The following ADCY9 variants were observed in gnomAD, a reference collection of about 807,000 sequenced individuals.
ADCY9 encodes adenylate cyclase 9, also known as adenylate cyclase type 9.
A neutral mutation model predicts 101.5 loss-of-function variants in ADCY9; 50 were observed. That is an observed-to-expected ratio of 0.49 (90% CI 0.39 to 0.62). The LOEUF (loss-of-function observed/expected upper bound fraction) is 0.62, where lower values mean the gene tolerates loss of function less well. Ranked by LOEUF, ADCY9 falls within the 20% of genes least tolerant of loss-of-function variation. The pLI, the probability that ADCY9 is intolerant of heterozygous loss-of-function variation, is 0.00. For missense variants in ADCY9, 1,662 were observed against 1,800.4 expected, an observed-to-expected ratio of 0.92 and a Z score of 1.39; for synonymous variants, 905 against 769.3, an observed-to-expected ratio of 1.18 and a Z score of -2.92.
Position 4,003,258 on chromosome 16 carries a change from G to A in ADCY9, c.1884+4110C>T, listed in dbSNP as rs372500264. On this transcript the variant is annotated intron_variant, in intron 3 of 10. Transcript: ENST00000294016. ...CGCAATCACTGTGAGAATCTCCCTC[G>A]AATCGGAACCGTGGAGAAGATGGGA... Among the ~76,000 whole-genome samples the A allele has an allele frequency of 7.2e-5, 11 of 152,230 alleles. No individual in the cohort carries two copies. The East Asian group carries it at 1.4e-3, about 19-fold the overall frequency.
Position 3,983,311 on chromosome 16 carries a change from C to G in ADCY9, c.2440G>C (p.Val814Leu), listed in dbSNP as rs145223924. Residue 814 changes from valine to leucine, a missense_variant, in exon 7 of 11, where the codon GTG becomes CTG. Coordinates refer to ENST00000294016, the MANE Select transcript of ADCY9 (RefSeq NM_001116.4). ...GCCAGGGCGGCGGGCGGGGGAGGCA[C>G]GGTGGCCGCCTCGTACTTCAGGAAG... ...TCFLKYEAATVPPPPAALAVF... is the reference protein window; with the variant it reads ...TCFLKYEAATLPPPPAALAVF... The G allele has an allele frequency of 6.4e-7, 1 of 1,568,366 alleles. No homozygotes were observed. The highest frequency in any genetic ancestry group is 8.6e-7 in the Non-Finnish European group (1 of 1,157,210).
rs531407810 is a variant in ADCY9 at position 3,997,600 on chromosome 16, C to G, written c.1885-4090G>C. The stretch of plus-strand genomic sequence containing the variant: ...GGGGCTGTCTGGGTCACATGGCCAG[C>G]TGTAGACACCCACGCTCGGGCCTCC... On this transcript the variant is annotated intron_variant, in intron 3 of 10. Transcript: ENST00000294016. 3.9e-5 allele frequency among the ~76,000 whole-genome samples: 6 copies of G among 152,368 alleles called. No individual in the cohort carries two copies. In the South Asian group the frequency reaches 1.0e-3, roughly 26 times the overall value.
At chr16:4,103,379 G>C (rs1173662720) in intron 2 of ADCY9, among the ~76,000 whole-genome samples, 11 of 152,206 alleles carry the variant, frequency 7.2e-5, no homozygotes, top group African/African-American at 2.7e-4. Flanking sequence ...GCCTTCTTCA[G>C]TGTTGACACT....
chr16:3,967,103 T>A, intron 10 of ADCY9, 137 bp from the exon 11 acceptor site: 1 of 698,602 alleles, frequency 1.4e-6, no homozygotes, highest in Non-Finnish European at 2.4e-6. Flanking sequence ...CCATTCCTGG[T>A]TTGGGCTGGC....
intron 2 of ADCY9, among the ~76,000 whole-genome samples, chr16:4,021,552 C>G (rs570157900): frequency 1.3e-5 from 2 of 152,326 alleles, no homozygotes; most frequent in South Asian, 4.1e-4. Flanking sequence ...GAGCTCCGTC[C>G]CAACTCAGAG....
intron 2 of ADCY9, among the ~76,000 whole-genome samples, chr16:4,014,643 T>G (rs2056425856): frequency 6.6e-6 from 1 of 151,966 alleles, no homozygotes; most frequent in South Asian, 2.1e-4. Flanking sequence ...AGAGGGGGTT[T>G]TGCCATGCTG....
In ADCY9 at chr16:4,116,402, C is replaced by G. The variant is rs918996046; in HGVS notation, c.-756G>C. ...CGCTGCCTCATGTCGGAAGAGCTGC[C>G]GCCGCCACCATCTCCGGCCCCTGCC... On this transcript the variant is annotated 5_prime_UTR_variant, in exon 1 of 11. Transcript: ENST00000294016. 1.4e-5 allele frequency among the ~76,000 whole-genome samples: 2 copies of G among 146,170 alleles called. No individual in the cohort carries two copies. Among genetic ancestry groups the G allele is most frequent in the African/African-American group, 2.5e-5 (1 of 40,780 alleles).
chr16:4,084,981 G>C (rs567145582), intron 2 of ADCY9, among the ~76,000 whole-genome samples: 3 of 152,130 alleles, frequency 2.0e-5, no homozygotes, highest in African/African-American at 7.2e-5. Context: ...GTCTTCAGAC[G>C]CCTGTCTCTC....
intron 3 of ADCY9, among the ~76,000 whole-genome samples, chr16:4,001,512 C>T (rs11647828): frequency 0.45 from 68,358 of 151,950 alleles, 17,419 homozygotes; most frequent in Non-Finnish European, 0.56. Context: ...GGCATCTGCC[C>T]GGTTTGTCCA....
chr16:4,054,567 AT>A (rs553423641), intron 2 of ADCY9, among the ~76,000 whole-genome samples: 1 of 150,550 alleles, frequency 6.6e-6, no homozygotes, highest in Non-Finnish European at 1.5e-5. Flanking sequence ...GATTAAATGG[AT>A]TTTTTTCTTT....
intron 3 of ADCY9, among the ~76,000 whole-genome samples, chr16:3,994,960 T>C (rs550262635): frequency 2.0e-5 from 3 of 152,258 alleles, no homozygotes; most frequent in Non-Finnish European, 2.9e-5. Context: ...TAGGAATTAA[T>C]GGACCTAGAA....
rs530420293 is a variant in ADCY9 at position 4,071,332 on chromosome 16, C to CAAAAA, written c.1693+42413_1693+42417dup. ...GGCAACAAAAGCGAAACTCAGTCTC[C>CAAAAA]AAAAAAAAAAAAAAAAAAAAAAAAA... On this transcript the variant is annotated intron_variant, in intron 2 of 10. Coordinates refer to ENST00000294016, the MANE Select transcript of ADCY9 (RefSeq NM_001116.4). 8.7e-3 allele frequency among the ~76,000 whole-genome samples: 610 copies of CAAAAA among 70,382 alleles called. 9 individuals carry two copies. Among genetic ancestry groups the CAAAAA allele is most frequent in the Non-Finnish European group, 9.3e-3 (356 of 38,466 alleles). 46.2% of individuals were successfully genotyped at this position (70,382 alleles called of 152,430 possible).
chr16:4,044,935 G>C (rs1000264486), intron 2 of ADCY9, among the ~76,000 whole-genome samples: 1 of 152,104 alleles, frequency 6.6e-6, no homozygotes, highest in Non-Finnish European at 1.5e-5. Context: ...GCTCCCGCAC[G>C]TGACTGCCAA....
intron 2 of ADCY9, among the ~76,000 whole-genome samples, chr16:4,017,718 C>T (rs1018578654): frequency 2.3e-4 from 34 of 150,596 alleles, no homozygotes; most frequent in Admixed American, 2.2e-3. Context: ...GGCCAAATAA[C>T]CTTGAAGAAC....
At chr16:3,997,948 G>GTGTGTGTGCCA (rs573312474) in intron 3 of ADCY9, among the ~76,000 whole-genome samples, 102 of 152,222 alleles carry the variant, frequency 6.7e-4, no homozygotes, top group Non-Finnish European at 1.2e-3. Flanking sequence ...ACAAAAATTA[G>GTGTGTGTGCCA]CTGGGTGTGG....
intron 2 of ADCY9, among the ~76,000 whole-genome samples, chr16:4,069,044 T>C (rs1296725448): frequency 3.9e-5 from 6 of 152,108 alleles, no homozygotes; most frequent in Middle Eastern, 3.4e-3. Flanking sequence ...ATAGGGTAAA[T>C]CCCTAAAAGT....
intron 2 of ADCY9, among the ~76,000 whole-genome samples, chr16:4,024,552 TC>T (rs897345968): frequency 6.6e-6 from 1 of 151,826 alleles, no homozygotes; most frequent in Non-Finnish European, 1.5e-5. Flanking sequence ...CCATCCAGGA[TC>T]CCACGCGGCT....
chr16:4,081,701 G>T (rs748142267), intron 2 of ADCY9, among the ~76,000 whole-genome samples: 48 of 151,544 alleles, frequency 3.2e-4, no homozygotes, highest in Admixed American at 5.2e-4. Context: ...GGGTGCAGGA[G>T]GGGAGGAGGG....
At chr16:3,991,270 C>T (rs1202393605) in intron 5 of ADCY9, among the ~76,000 whole-genome samples, 2 of 152,082 alleles carry the variant, frequency 1.3e-5, no homozygotes, top group Non-Finnish European at 2.9e-5. Flanking sequence ...TGAGACAACC[C>T]GGCACCACCT....
Sources: allele counts gnomAD v4.1 joint callset (sites outside exome capture counted in the v4.1 genomes callset), GRCh38; gene constraint gnomAD v4.1.1; transcripts MANE v1.5; gene names NCBI Gene and HGNC (gene_info 2026-07-23, HGNC 2026-07-21).